PPP6C: variants seen among roughly 807,000 people sequenced by gnomAD.
The protein encoded by PPP6C is serine/threonine-protein phosphatase 6 catalytic subunit.
Under a neutral mutation model 39.8 loss-of-function variants are expected in PPP6C, and 11 were observed. The observed-to-expected ratio is 0.28, with a 90% confidence interval of 0.17 to 0.46. PPP6C has a LOEUF of 0.46. Ranked by LOEUF, PPP6C falls within the 20% of genes least tolerant of loss-of-function variation. The probability of loss-of-function intolerance (pLI) is 1.00; values close to 1 mark genes in which losing one functional copy is unlikely to be tolerated. For synonymous variants in PPP6C, 129 were observed against 130.3 expected, an observed-to-expected ratio of 0.99 and a Z score of 0.07; for missense variants, 211 against 373.9, an observed-to-expected ratio of 0.56 and a Z score of 3.59.
chr9:125,189,678 C>G lies in PPP6C; in HGVS notation c.41G>C (p.Arg14Pro), dbSNP rs779718561. 1.2e-6 allele frequency: 2 copies of G among 1,612,504 alleles called. No homozygotes were observed. The highest frequency in any genetic ancestry group is 1.7e-6 in the Non-Finnish European group (2 of 1,179,422). ...GTTCTCTGGCAGGTACTTGCACAGC[C>G]GCGCTATTTCCACATACTTGTCCAG... ...LDLDKYVEIA[R>P]LCKYLPENDL... Residue 14 changes from arginine (R) to proline (P), a missense_variant, in exon 1 of 7, where the codon CGG becomes CCG. Coordinates refer to ENST00000373547, the MANE Select transcript of PPP6C (RefSeq NM_002721.5).
chr9:125,180,989 C>T (rs1458600601), intron 1 of PPP6C, among the ~76,000 whole-genome samples: 1 of 152,174 alleles, frequency 6.6e-6, no homozygotes, highest in Non-Finnish European at 1.5e-5. Context: ...ATTACAGCTG[C>T]GTCCTACGAC....
At chr9:125,155,193 A>G (rs1443672076) in intron 4 of PPP6C, among the ~76,000 whole-genome samples, 2 of 152,128 alleles carry the variant, frequency 1.3e-5, no homozygotes, top group Non-Finnish European at 2.9e-5. Flanking sequence ...GATGTGAGCC[A>G]CTGTACCCTG....
intron 2 of PPP6C, among the ~76,000 whole-genome samples, chr9:125,167,892 C>T (rs895721242): frequency 1.4e-4 from 20 of 147,350 alleles, no homozygotes; most frequent in Admixed American, 1.2e-3. Context: ...TGGCTTCAAG[C>T]GATCCTCCCA....
intron 1 of PPP6C, among the ~76,000 whole-genome samples, chr9:125,187,835 A>G (rs1829563442): frequency 6.6e-6 from 1 of 151,992 alleles, no homozygotes; most frequent in East Asian, 1.9e-4. Flanking sequence ...AAGGACTCAG[A>G]TGAGCACAAA....
intron 2 of PPP6C, among the ~76,000 whole-genome samples, chr9:125,162,944 G>C (rs182835251): frequency 6.6e-6 from 1 of 151,896 alleles, no homozygotes; most frequent in African/African-American, 2.4e-5. Flanking sequence ...CAGGCGTGGC[G>C]GCGGGCACCT....
intron 1 of PPP6C, among the ~76,000 whole-genome samples, chr9:125,171,462 C>A (rs910674450): frequency 2.3e-4 from 10 of 42,872 alleles, no homozygotes; most frequent in Non-Finnish European, 4.2e-4. Context: ...CACACATATA[C>A]ACACACACAC....
In PPP6C at chr9:125,149,329, G is replaced by A. The variant is rs1835881797; in HGVS notation, c.*344C>T. 5.3e-6 allele frequency: 1 copy of A among 189,212 alleles called. No homozygotes were observed. Among genetic ancestry groups the A allele is most frequent in the Admixed American group, 5.6e-5 (1 of 17,734 alleles). The allele number at this position is 189,212 out of a possible 1,614,324, so 11.7% of individuals were successfully genotyped here. A position where few individuals can be genotyped will look rare whatever the true frequency, so the allele number is the denominator to read the frequency against. Reference sequence around the variant, plus strand: ...AATGATACAAAAGGAGGAGTATTTAGGTGTAATCTGTCAATTGGCTTTTAA... The same window carrying A: ...AATGATACAAAAGGAGGAGTATTTAAGTGTAATCTGTCAATTGGCTTTTAA... On this transcript the variant is annotated 3_prime_UTR_variant, in exon 7 of 7. Transcript: ENST00000373547.
At chr9:125,179,023 T>C (rs1829365720) in intron 1 of PPP6C, among the ~76,000 whole-genome samples, 1 of 152,142 alleles carries the variant, frequency 6.6e-6, no homozygotes, top group South Asian at 2.1e-4. Flanking sequence ...GAGACCAGCA[T>C]GACCAACGCA....
Position 125,153,722 on chromosome 9 carries a change from C to A in PPP6C, c.480G>T (p.Leu160Phe). ...CAGGAGATAAACCACCATGGACACA[C>A]AAAATCTGCTCATCTATTAACTAGC... Reference protein sequence around the residue: ...TVAALIDEQILCVHGGLSPDI... With the variant: ...TVAALIDEQIFCVHGGLSPDI... Residue 160 changes from leucine to phenylalanine, a missense_variant, in exon 6 of 7, where the codon TTG becomes TTT. Around this residue, in one of 2 missense-constraint regions of PPP6C, gnomAD observed 168 missense variants for 342.6 expected, o/e 0.49. Transcript: ENST00000373547. 6.2e-7 allele frequency: 1 copy of A among 1,613,774 alleles called. No homozygotes were observed. Among genetic ancestry groups the A allele is most frequent in the Non-Finnish European group, 8.5e-7 (1 of 1,180,018 alleles).
At chr9:125,189,345 C>G in intron 1 of PPP6C, among the ~76,000 whole-genome samples, 1 of 152,214 alleles carries the variant, frequency 6.6e-6, no homozygotes, top group South Asian at 2.1e-4. Context: ...GGGAGCCGAG[C>G]CTTCTAAATA....
chr9:125,171,461 AC>A (rs1829148353), intron 1 of PPP6C, among the ~76,000 whole-genome samples: 4 of 40,374 alleles, frequency 9.9e-5, no homozygotes, highest in Non-Finnish European at 1.3e-4. Flanking sequence ...ACACACATAT[AC>A]ACACACACAC....
chr9:125,178,158 G>A (rs1179288122), intron 1 of PPP6C, among the ~76,000 whole-genome samples: 1 of 152,128 alleles, frequency 6.6e-6, no homozygotes, highest in African/African-American at 2.4e-5. Flanking sequence ...AACTCATTTG[G>A]GTAAATATCA....
chr9:125,185,886 G>C (rs1829519311), intron 1 of PPP6C, among the ~76,000 whole-genome samples: 1 of 151,960 alleles, frequency 6.6e-6, no homozygotes. Flanking sequence ...CAGGAAGGCT[G>C]AGGCAGGAGA....
Position 125,158,279 on chromosome 9 carries a change from T to C in PPP6C, c.341A>G (p.His114Arg). The C allele has an allele frequency of 6.2e-7, 1 of 1,611,292 alleles. No homozygotes were observed. Residue 114 changes from histidine to arginine, a missense_variant, in exon 4 of 7, where the codon CAT becomes CGT. By Grantham distance (29) the His-to-Arg change is conservative. Around this residue, in one of 2 missense-constraint regions of PPP6C, gnomAD observed 168 missense variants for 342.6 expected, o/e 0.49. Coordinates refer to ENST00000373547, the MANE Select transcript of PPP6C (RefSeq NM_002721.5). ...GACCTGTGTTATCTGTCTACTCTCA[T>C]GATTTCCTCGCAAAAGTGTAATACG... is the stretch of plus-strand genomic sequence containing the variant. ...PDRITLLRGN[H>R]ESRQITQVYG...
Position 125,189,785 on chromosome 9 carries a change from A to T in PPP6C, c.-67T>A. 1.3e-6 allele frequency: 2 copies of T among 1,522,414 alleles called. No individual in the cohort carries two copies. Among genetic ancestry groups the T allele is most frequent in the Non-Finnish European group, 1.8e-6 (2 of 1,136,062 alleles). The allele number at this position is 1,522,414 out of a possible 1,614,324, so 94.3% of individuals were successfully genotyped here. ...GTAGCAGCGGCGGCGGCAGCGGCGG[A>T]GGCCGAAGCCGGAACTTTCCCTGCG... On this transcript the variant is annotated 5_prime_UTR_variant, in exon 1 of 7. Coordinates refer to ENST00000373547, the MANE Select transcript of PPP6C (RefSeq NM_002721.5).
At chr9:125,172,484 G>A (rs1054818457) in intron 1 of PPP6C, among the ~76,000 whole-genome samples, 1 of 152,128 alleles carries the variant, frequency 6.6e-6, no homozygotes, top group African/African-American at 2.4e-5. Context: ...TGGGATTACA[G>A]GCATTGAGCC....
chr9:125,189,342 G>A (rs537421729), intron 1 of PPP6C, among the ~76,000 whole-genome samples: 5 of 152,302 alleles, frequency 3.3e-5, no homozygotes, highest in African/African-American at 4.8e-5. Flanking sequence ...GTGGGGAGCC[G>A]AGCCTTCTAA....
intron 1 of PPP6C, among the ~76,000 whole-genome samples, chr9:125,175,642 CAAAA>C (rs1188824495): frequency 1.8e-5 from 1 of 55,860 alleles, no homozygotes; most frequent in African/African-American, 6.3e-5. Flanking sequence ...GACTCCGTCT[CAAAA>C]AAAAAAAAAA....
intron 1 of PPP6C, among the ~76,000 whole-genome samples, chr9:125,183,429 C>G (rs537413095): frequency 3.9e-5 from 6 of 152,136 alleles, no homozygotes; most frequent in African/African-American, 9.7e-5. Flanking sequence ...ACAGTGTATC[C>G]CTGTAATAAT....
Sources: allele counts gnomAD v4.1 joint callset (sites outside exome capture counted in the v4.1 genomes callset), GRCh38; gene constraint gnomAD v4.1.1; regional missense constraint gnomAD v4.1.1; transcripts MANE v1.5; gene names NCBI Gene and HGNC (gene_info 2026-07-23, HGNC 2026-07-21).